GRIA1: variants seen among roughly 807,000 people sequenced by gnomAD.
GRIA1 encodes glutamate receptor 1.
In GRIA1, 31 loss-of-function variants were observed where a neutral mutation model predicts 99.2. The ratio of observed to expected loss-of-function variants is 0.31; its 90% CI spans 0.23 to 0.42. The LOEUF (loss-of-function observed/expected upper bound fraction) is 0.42, where lower values mean the gene tolerates loss of function less well. GRIA1 is among the 10% of genes least tolerant of loss of function. The pLI, the probability that GRIA1 is intolerant of heterozygous loss-of-function variation, is 1.00. For synonymous variants in GRIA1, 438 were observed against 432.4 expected, an observed-to-expected ratio of 1.01 and a Z score of -0.16; for missense variants, 782 against 1,157.5, an observed-to-expected ratio of 0.68 and a Z score of 4.71.
At chr5:153,578,148 C>CAAAAAAAAAAAAAA (rs60901793) in intron 2 of GRIA1, among the ~76,000 whole-genome samples, 38 of 69,314 alleles carry the variant, frequency 5.5e-4, no homozygotes, top group Admixed American at 7.8e-4. Flanking sequence ...GAGACTCTGT[C>CAAAAAAAAAAAAAA]AAAAAAAAAA....
At chr5:153,771,567 C>T (rs978893672) in intron 13 of GRIA1, among the ~76,000 whole-genome samples, 3 of 152,178 alleles carry the variant, frequency 2.0e-5, no homozygotes, top group African/African-American at 7.2e-5. Context: ...AAATAATTAA[C>T]ATTTAATGAC....
At chr5:153,749,050 G>A (rs78608169) in intron 11 of GRIA1, among the ~76,000 whole-genome samples, 2,971 of 152,236 alleles carry the variant, frequency 0.02, 38 homozygotes, top group Non-Finnish European at 0.031. Flanking sequence ...CACAGCAATA[G>A]CTCAAGATTA....
chr5:153,702,371 A>G lies in GRIA1; in HGVS notation c.1452+3298A>G, dbSNP rs140250468. Among the ~76,000 whole-genome samples the G allele has an allele frequency of 5.6e-3, 854 of 152,342 alleles. 13 individuals are homozygous for G. The highest frequency in any genetic ancestry group is 0.02 in the African/African-American group (828 of 41,578). ...CTGGATTTGAGTTCCAACTCTGCCAACTTGCTGGCCCCGACTTTTCCGGGG... is the reference window on the plus strand; with the variant it reads ...CTGGATTTGAGTTCCAACTCTGCCAGCTTGCTGGCCCCGACTTTTCCGGGG... On this transcript the variant is annotated intron_variant, in intron 10 of 15. Transcript: ENST00000285900.
At chr5:153,649,070 G>A (rs750020886) in intron 3 of GRIA1, among the ~76,000 whole-genome samples, 9 of 152,252 alleles carry the variant, frequency 5.9e-5, no homozygotes, top group Non-Finnish European at 1.2e-4. Flanking sequence ...TGAGAAAGAC[G>A]ACCACCATTA....
At chr5:153,643,885 C>T (rs1182929500) in intron 2 of GRIA1, among the ~76,000 whole-genome samples, 1 of 152,174 alleles carries the variant, frequency 6.6e-6, no homozygotes, top group Non-Finnish European at 1.5e-5. Flanking sequence ...TTTCGTCCAC[C>T]CCCATCTCAC....
intron 11 of GRIA1, among the ~76,000 whole-genome samples, chr5:153,756,741 G>T (rs903240314): frequency 7.9e-5 from 12 of 152,100 alleles, no homozygotes; most frequent in African/African-American, 2.7e-4. Context: ...ATACCCTCTA[G>T]TGTTGAAATA....
At chr5:153,649,510 T>C (rs1404556450) in intron 3 of GRIA1, among the ~76,000 whole-genome samples, 1 of 152,120 alleles carries the variant, frequency 6.6e-6, no homozygotes, top group Admixed American at 6.6e-5. Flanking sequence ...CAGGCTGGAG[T>C]GCAATGGCAC....
chr5:153,606,248 T>A (rs1172867409), intron 2 of GRIA1, among the ~76,000 whole-genome samples: 1 of 152,178 alleles, frequency 6.6e-6, no homozygotes, highest in African/African-American at 2.4e-5. Context: ...TGACCAAGTA[T>A]GTCTGGTTCT....
intron 2 of GRIA1, among the ~76,000 whole-genome samples, chr5:153,517,480 C>T (rs895207154): frequency 6.6e-6 from 1 of 152,234 alleles, no homozygotes; most frequent in Middle Eastern, 3.4e-3. Flanking sequence ...GTCCCCTGGG[C>T]CCTCAGAAAG....
At chr5:153,686,801 A>G (rs1280237846) in intron 8 of GRIA1, among the ~76,000 whole-genome samples, 1 of 152,232 alleles carries the variant, frequency 6.6e-6, no homozygotes, top group African/African-American at 2.4e-5. Context: ...TGTATAATGT[A>G]TAATATGTTT....
chr5:153,586,162 A>G (rs1763469579), intron 2 of GRIA1, among the ~76,000 whole-genome samples: 1 of 152,162 alleles, frequency 6.6e-6, no homozygotes, highest in South Asian at 2.1e-4. Flanking sequence ...AAATTATCAT[A>G]TTTATTTGTT....
chr5:153,558,718 T>A (rs2149349820), intron 2 of GRIA1, among the ~76,000 whole-genome samples: 1 of 152,350 alleles, frequency 6.6e-6, no homozygotes, highest in South Asian at 2.1e-4. Context: ...GTTTTTTATG[T>A]GAACATATTG....
At chr5:153,676,445 A>G (rs1251390658) in intron 6 of GRIA1, among the ~76,000 whole-genome samples, 1 of 152,208 alleles carries the variant, frequency 6.6e-6, no homozygotes, top group Admixed American at 6.5e-5. Flanking sequence ...AGTTTACAGG[A>G]TATAAACTTA....
In GRIA1 at chr5:153,708,089, C is replaced by T. The variant is rs146767936; in HGVS notation, c.1823+2022C>T. 3.2e-3 allele frequency among the ~76,000 whole-genome samples: 485 copies of T among 152,262 alleles called. 4 individuals carry two copies. The highest frequency in any genetic ancestry group is 0.011 in the African/African-American group (455 of 41,538). On this transcript the variant is annotated intron_variant, in intron 11 of 15. Coordinates refer to ENST00000285900, the MANE Select transcript of GRIA1 (RefSeq NM_000827.4). ...TGAGCATCTCATCTTTTCACAGAAC[C>T]TTTATGCTGTGATCTCAGGGTGTGT...
intron 2 of GRIA1, among the ~76,000 whole-genome samples, chr5:153,504,817 T>C (rs1353785321): frequency 6.6e-6 from 1 of 152,150 alleles, no homozygotes; most frequent in African/African-American, 2.4e-5. Context: ...GGCTGTAAAA[T>C]GTTTGGTGAT....
In GRIA1 at chr5:153,698,899, C is replaced by T. The variant is rs779247971; in HGVS notation, c.1278C>T (p.Ala426=). 8 of 1,613,598 alleles carry T rather than the reference C, an allele frequency of 5.0e-6. No individual in the cohort carries two copies. The highest frequency in any genetic ancestry group is 6.8e-6 in the Non-Finnish European group (8 of 1,179,516). Residue 426 remains alanine (A), a synonymous_variant, in exon 10 of 16, where the codon GCC becomes GCT. Transcript: ENST00000285900. Reference sequence around the variant, plus strand: ...CTTATGTGATGCTCAAGAAGAACGCCAATCAGTTTGAGGGCAATGACCGTT... The same window carrying T: ...CTTATGTGATGCTCAAGAAGAACGCTAATCAGTTTGAGGGCAATGACCGTT... The part of the protein sequence containing the change: ...EDPYVMLKKN[A]NQFEGNDRYE...
chr5:153,545,003 T>C (rs1199277053), intron 2 of GRIA1, among the ~76,000 whole-genome samples: 1 of 152,228 alleles, frequency 6.6e-6, no homozygotes, highest in Admixed American at 6.5e-5. Flanking sequence ...TTTAGCTTCC[T>C]CTTCTGTTAT....
chr5:153,758,931 CAA>C (rs887940622), intron 11 of GRIA1, among the ~76,000 whole-genome samples: 2 of 151,680 alleles, frequency 1.3e-5, no homozygotes, highest in Non-Finnish European at 3.0e-5. Context: ...CAATCAATAA[CAA>C]GAGGAACTTT....
chr5:153,640,924 T>C (rs1448418668), intron 2 of GRIA1, among the ~76,000 whole-genome samples: 2 of 152,222 alleles, frequency 1.3e-5, no homozygotes, highest in East Asian at 3.9e-4. Flanking sequence ...GGCTTTGGGA[T>C]GATTTATATC....
Sources: gnomAD v4.1 joint callset for allele counts (sites outside exome capture counted in the v4.1 genomes callset) on GRCh38, gnomAD v4.1.1 for gene constraint, MANE v1.5 for transcripts, NCBI Gene and HGNC (gene_info 2026-07-23, HGNC 2026-07-21) for gene names.